SPAG16: variants seen among roughly 807,000 people sequenced by gnomAD.
SPAG16 encodes the protein sperm-associated antigen 16 protein.
In SPAG16, 86 loss-of-function variants were observed where a neutral mutation model predicts 80.4. The observed-to-expected ratio is 1.07, with a 90% CI of 0.90 to 1.28. The LOEUF is 1.28. Among genes scored for constraint, SPAG16 ranks in the 50% most tolerant of loss-of-function variants. SPAG16 has a pLI of 0.00. For missense variants in SPAG16, 870 were observed against 765.3 expected (o/e 1.14, Z -1.61); for synonymous variants, 294 against 265.9 (o/e 1.11, Z -1.03).
chr2:214,404,634 A>T (rs2126152107), intron 15 of SPAG16, among the ~76,000 whole-genome samples: 1 of 152,320 alleles, frequency 6.6e-6, no homozygotes, highest in Non-Finnish European at 1.5e-5. Flanking sequence ...TGGACATAAC[A>T]GTTGGAAATA....
At chr2:213,566,781 G>A (rs891370686) in intron 10 of SPAG16, among the ~76,000 whole-genome samples, 1 of 152,132 alleles carries the variant, frequency 6.6e-6, no homozygotes, top group Non-Finnish European at 1.5e-5. Flanking sequence ...CTTTCCCAGA[G>A]CATAAGACTT....
intron 11 of SPAG16, among the ~76,000 whole-genome samples, chr2:213,907,730 A>T (rs1456512420): frequency 6.6e-6 from 1 of 152,216 alleles, no homozygotes; most frequent in Non-Finnish European, 1.5e-5. Context: ...AACATGTATG[A>T]GCCTGGAGGA....
chr2:214,398,493 C>G (rs1460913459), intron 15 of SPAG16, among the ~76,000 whole-genome samples: 1 of 152,194 alleles, frequency 6.6e-6, no homozygotes, highest in Non-Finnish European at 1.5e-5. Flanking sequence ...TGCCCTTGAT[C>G]TCAAATTGTC....
intron 15 of SPAG16, among the ~76,000 whole-genome samples, chr2:214,340,262 A>G (rs929457094): frequency 1.3e-5 from 2 of 152,284 alleles, no homozygotes; most frequent in African/African-American, 4.8e-5. Context: ...CATTCACAGC[A>G]TATGGGAAGG....
chr2:213,989,835 G>A (rs2046192734), intron 12 of SPAG16, among the ~76,000 whole-genome samples: 1 of 152,034 alleles, frequency 6.6e-6, no homozygotes, highest in Admixed American at 6.6e-5. Flanking sequence ...GACAGAAATG[G>A]TTAATGAGCC....
chr2:214,350,827 G>A (rs760631479), intron 15 of SPAG16, among the ~76,000 whole-genome samples: 3 of 152,164 alleles, frequency 2.0e-5, no homozygotes, highest in Non-Finnish European at 2.9e-5. Context: ...GAATGGATGT[G>A]TAATAGGAGA....
intron 13 of SPAG16, among the ~76,000 whole-genome samples, chr2:214,065,389 A>G (rs895746132): frequency 6.6e-6 from 1 of 152,194 alleles, no homozygotes; most frequent in African/African-American, 2.4e-5. Context: ...CGACTGGAAC[A>G]TAGTAGGTAT....
At chr2:213,877,699 A>AT (rs2076194091) in intron 11 of SPAG16, among the ~76,000 whole-genome samples, 5 of 151,952 alleles carry the variant, frequency 3.3e-5, no homozygotes, top group African/African-American at 1.2e-4. Context: ...ATATCCACTT[A>AT]TGTATTTCCA....
intron 15 of SPAG16, among the ~76,000 whole-genome samples, chr2:214,267,680 A>C (rs921485898): frequency 6.6e-5 from 10 of 151,902 alleles, no homozygotes; most frequent in Admixed American, 6.6e-4. Flanking sequence ...CCCACAAATA[A>C]ATTCTTTTGT....
chr2:213,803,085 G>A (rs1368723495), intron 10 of SPAG16, among the ~76,000 whole-genome samples: 1 of 152,006 alleles, frequency 6.6e-6, no homozygotes, highest in Non-Finnish European at 1.5e-5. Flanking sequence ...ATATCTGTGT[G>A]AGTAGAAATA....
intron 11 of SPAG16, among the ~76,000 whole-genome samples, chr2:213,920,549 C>T (rs73986999): frequency 0.24 from 36,107 of 152,142 alleles, 4,886 homozygotes; most frequent in South Asian, 0.37. Flanking sequence ...GCCATGGGGG[C>T]TGCCCCATTG....
rs2076556644 is a variant in SPAG16, at chr2:213,886,397, A to G, written c.1214+23769A>G. Among the ~76,000 whole-genome samples the G allele has an allele frequency of 2.6e-5, 4 of 152,166 alleles. No homozygotes were observed. The South Asian group carries it at 8.3e-4, about 32-fold the overall frequency. Reference sequence around the variant, plus strand: ...GCGGGTAGAATGAGCAGCTAGAGAAAGAGGGGCATTAAGCAGGAATAGGTC... The same window carrying G: ...GCGGGTAGAATGAGCAGCTAGAGAAGGAGGGGCATTAAGCAGGAATAGGTC... On this transcript the variant is annotated intron_variant, in intron 11 of 15. Coordinates refer to ENST00000331683, the MANE Select transcript of SPAG16 (RefSeq NM_024532.5).
At chr2:213,366,660 A>G (rs1303903043) in intron 8 of SPAG16, among the ~76,000 whole-genome samples, 1 of 152,194 alleles carries the variant, frequency 6.6e-6, no homozygotes, top group Non-Finnish European at 1.5e-5. Flanking sequence ...CCCTCCCTTG[A>G]CACATGGGGA....
intron 15 of SPAG16, among the ~76,000 whole-genome samples, chr2:214,354,673 A>C (rs949345463): frequency 4.0e-5 from 6 of 150,936 alleles, no homozygotes; most frequent in African/African-American, 9.7e-5. Context: ...CTTTTATTTC[A>C]TTGAGCAGTG....
intron 15 of SPAG16, among the ~76,000 whole-genome samples, chr2:214,287,387 T>C (rs1186590359): frequency 6.6e-6 from 1 of 152,244 alleles, no homozygotes; most frequent in African/African-American, 2.4e-5. Flanking sequence ...TTCTCAGATT[T>C]ATTATTGTAT....
At chr2:214,034,273 G>A (rs2048570146) in intron 13 of SPAG16, among the ~76,000 whole-genome samples, 2 of 152,200 alleles carry the variant, frequency 1.3e-5, no homozygotes, top group African/African-American at 2.4e-5. Flanking sequence ...AGACTCTGCT[G>A]TCTCTCTACT....
chr2:213,574,922 C>T, intron 10 of SPAG16, among the ~76,000 whole-genome samples: 1 of 151,886 alleles, frequency 6.6e-6, no homozygotes, highest in Non-Finnish European at 1.5e-5. Context: ...TGCAGTTTGC[C>T]TTCCCATTTG....
chr2:213,397,427 G>T (rs1403241783), intron 9 of SPAG16, among the ~76,000 whole-genome samples: 1 of 152,012 alleles, frequency 6.6e-6, no homozygotes, highest in Non-Finnish European at 1.5e-5. Context: ...ATACCCTTCC[G>T]TGAATCTCAT....
intron 15 of SPAG16, among the ~76,000 whole-genome samples, chr2:214,243,620 TTAAGACTA>T (rs1369412143): frequency 6.6e-6 from 1 of 152,130 alleles, no homozygotes; most frequent in African/African-American, 2.4e-5. Context: ...AGTGTCTAGT[TTAAGACTA>T]TATATCACTT....
Sources: gnomAD v4.1 joint callset for allele counts (sites outside exome capture counted in the v4.1 genomes callset) on GRCh38, gnomAD v4.1.1 for gene constraint, MANE v1.5 for transcripts, NCBI Gene and HGNC (gene_info 2026-07-23, HGNC 2026-07-21) for gene names.